MED13L: variants seen among roughly 807,000 people sequenced by gnomAD.
MED13L encodes the protein mediator of RNA polymerase II transcription subunit 13-like.
MED13L carries 7 observed loss-of-function variants against 220.9 expected under a neutral mutation model. The ratio of observed to expected loss-of-function variants is 0.03; its 90% CI spans 0.02 to 0.06. The LOEUF is 0.06. Among genes scored for constraint, MED13L ranks in the 10% least tolerant of loss-of-function variants. MED13L has a pLI of 1.00. For missense variants in MED13L, 1,965 were observed against 2,760.5 expected (o/e 0.71, Z 6.46); for synonymous variants, 1,011 against 1,015.2 (o/e 1.00, Z 0.08).
intron 4 of MED13L, among the ~76,000 whole-genome samples, chr12:116,050,639 G>A (rs1868407242): frequency 6.6e-6 from 1 of 151,918 alleles, no homozygotes; most frequent in South Asian, 2.1e-4. Context: ...AGTGTATAAG[G>A]AAATTTACAT....
At chr12:116,185,597 T>C (rs2138242091) in intron 2 of MED13L, among the ~76,000 whole-genome samples, 1 of 151,882 alleles carries the variant, frequency 6.6e-6, no homozygotes, top group South Asian at 2.1e-4. Flanking sequence ...ATTGATCTAT[T>C]TCCTGATACG....
rs1328686535 is a variant in MED13L at position 116,277,413 on chromosome 12, G to C, written c.-282C>G. 5.8e-5 allele frequency: 1 copy of C among 17,192 alleles called. No individual in the cohort carries two copies. The highest frequency in any genetic ancestry group is 5.6e-4 in the African/African-American group (1 of 1,794). The allele number at this position is 17,192 out of a possible 1,614,324, so 1.1% of individuals were successfully genotyped here. A position where few individuals can be genotyped will look rare whatever the true frequency, so the allele number is the denominator to read the frequency against. On this transcript the variant is annotated 5_prime_UTR_variant, in exon 1 of 31. Coordinates refer to ENST00000281928, the MANE Select transcript of MED13L (RefSeq NM_015335.5). Reference sequence around the variant, plus strand: ...CTGCTCCTCAGCCGCCGCCGCCGCCGCTGCTGCCGCTGCCGCCGCCTTGTT... The same window carrying C: ...CTGCTCCTCAGCCGCCGCCGCCGCCCCTGCTGCCGCTGCCGCCGCCTTGTT...
Position 116,019,938 on chromosome 12 carries a change from T to G in MED13L, c.660A>C (p.Leu220=). Residue 220 remains leucine (L), a synonymous_variant, in exon 6 of 31, where the codon CTA becomes CTC. Transcript: ENST00000281928. ...LVSPYGLNGT[L]TGQAYKMSDP... is the part of the protein sequence containing the mutation. ...CTGACATCTTGTATGCTTGGCCTGTTAGCGTCCCATTTAAGCCATAAGGAC... is the reference window on the plus strand; with the variant it reads ...CTGACATCTTGTATGCTTGGCCTGTGAGCGTCCCATTTAAGCCATAAGGAC... The G allele has an allele frequency of 6.2e-7, 1 of 1,613,764 alleles. No individual in the cohort carries two copies. The highest frequency in any genetic ancestry group is 8.5e-7 in the Non-Finnish European group (1 of 1,179,890).
rs572925778 is a variant in MED13L, at chr12:116,237,346, G to A, written c.310+122C>T. 2.1e-4 allele frequency: 171 copies of A among 813,146 alleles called. No individual in the cohort carries two copies. In the African/African-American group the frequency reaches 2.5e-3, roughly 12 times the overall value. The allele number at this position is 813,146 out of a possible 1,614,324, so 50.4% of individuals were successfully genotyped here. A position where few individuals can be genotyped will look rare whatever the true frequency, so the allele number is the denominator to read the frequency against. On this transcript the variant is annotated intron_variant, in intron 2 of 30. Coordinates refer to ENST00000281928, the MANE Select transcript of MED13L (RefSeq NM_015335.5). ...AGGGGTGAGAATGTTCCTTTTGAGA[G>A]AGACATCCATGAAACACTTAAGATC...
chr12:116,219,051 A>G (rs1883165476), intron 2 of MED13L, among the ~76,000 whole-genome samples: 1 of 152,328 alleles, frequency 6.6e-6, no homozygotes, highest in African/African-American at 2.4e-5. Context: ...CGAAATTCTT[A>G]CAAGTTAGAA....
chr12:116,160,993 C>T (rs1002949862), intron 2 of MED13L, among the ~76,000 whole-genome samples: 2 of 152,068 alleles, frequency 1.3e-5, no homozygotes, highest in Non-Finnish European at 2.9e-5. Flanking sequence ...AGAAAATAAA[C>T]GTATTTCTTA....
At chr12:116,187,860 T>C (rs1447055659) in intron 2 of MED13L, among the ~76,000 whole-genome samples, 1 of 151,874 alleles carries the variant, frequency 6.6e-6, no homozygotes, top group Non-Finnish European at 1.5e-5. Context: ...GGTACTGCTT[T>C]TTTTCTTTTT....
chr12:116,130,955 C>T (rs1196136750), intron 2 of MED13L, among the ~76,000 whole-genome samples: 1 of 151,896 alleles, frequency 6.6e-6, no homozygotes, highest in Admixed American at 6.6e-5. Context: ...TTCACTTAAA[C>T]ACACATGAAA....
At chr12:116,275,124 G>A (rs908868800) in intron 1 of MED13L, among the ~76,000 whole-genome samples, 12 of 152,088 alleles carry the variant, frequency 7.9e-5, no homozygotes, top group Admixed American at 5.9e-4. Context: ...TTGGGAGATC[G>A]CTCTACTTGG....
intron 4 of MED13L, among the ~76,000 whole-genome samples, chr12:116,047,945 C>T (rs1414839198): frequency 6.6e-6 from 1 of 151,972 alleles, no homozygotes; most frequent in Non-Finnish European, 1.5e-5. Context: ...AAAACATTTA[C>T]TGAATGTGTT....
intron 2 of MED13L, among the ~76,000 whole-genome samples, chr12:116,116,450 C>A (rs1027380492): frequency 2.6e-5 from 4 of 152,100 alleles, no homozygotes; most frequent in Non-Finnish European, 4.4e-5. Flanking sequence ...GAAGCTCCTG[C>A]CCCTCTCTAC....
intron 22 of MED13L, chr12:115,981,934 T>A (rs905562248): frequency 5.2e-6 from 1 of 191,756 alleles, no homozygotes; most frequent in African/African-American, 2.4e-5. Flanking sequence ...TACTTTCATG[T>A]ACAGGTTGAA....
intron 2 of MED13L, among the ~76,000 whole-genome samples, chr12:116,194,088 CAAAA>C (rs1881457134): frequency 6.6e-6 from 1 of 151,978 alleles, no homozygotes; most frequent in Non-Finnish European, 1.5e-5. Context: ...ATGTAAATGA[CAAAA>C]GAAGAGAAGA....
chr12:115,983,562 G>A (rs1877486553), intron 20 of MED13L, 22 bp from the exon 21 acceptor site: 1 of 1,613,200 alleles, frequency 6.2e-7, no homozygotes, highest in Non-Finnish European at 8.5e-7. Context: ...CATGCAAAGA[G>A]GTGACTTTAG....
Position 115,961,407 on chromosome 12 carries a change from G to C in MED13L, c.6501-9C>G, listed in dbSNP as rs2137182384. On this transcript the variant is annotated splice_polypyrimidine_tract_variant and intron_variant, in intron 30 of 30. Transcript: ENST00000281928. Reference sequence around the variant, plus strand: ...ACTGCTCCAAAACAAACCTGCCAAAGAGAACACACAGAGCAGGGGCGTGAG... The same window carrying C: ...ACTGCTCCAAAACAAACCTGCCAAACAGAACACACAGAGCAGGGGCGTGAG... 1 of 1,613,444 alleles carries C rather than the reference G, an allele frequency of 6.2e-7. No individual in the cohort carries two copies. The highest frequency in any genetic ancestry group is 8.5e-7 in the Non-Finnish European group (1 of 1,180,012).
chr12:116,031,735 GA>G (rs1227742984), intron 4 of MED13L, among the ~76,000 whole-genome samples: 1,702 of 63,926 alleles, frequency 0.027, 133 homozygotes, highest in Middle Eastern at 0.037. Context: ...GAAAAGAAAA[GA>G]AAAGAAAAGA....
intron 2 of MED13L, among the ~76,000 whole-genome samples, chr12:116,124,894 T>C (rs1012114286): frequency 3.3e-5 from 5 of 152,208 alleles, no homozygotes; most frequent in Admixed American, 6.5e-5. Flanking sequence ...GAGAATTTGG[T>C]AGTTGACAGG....
chr12:116,022,380 T>A, intron 5 of MED13L, 76 bp downstream of exon 5: 4 of 1,562,906 alleles, frequency 2.6e-6, no homozygotes, highest in Non-Finnish European at 3.5e-6. Flanking sequence ...GGTCTCACCC[T>A]GCAAAACTTT....
intron 2 of MED13L, among the ~76,000 whole-genome samples, chr12:116,192,632 C>T (rs1206239604): frequency 1.3e-5 from 2 of 152,164 alleles, no homozygotes; most frequent in Non-Finnish European, 2.9e-5. Context: ...ACTCAGGAAG[C>T]TGGACAGTTC....
Sources: allele counts gnomAD v4.1 joint callset (sites outside exome capture counted in the v4.1 genomes callset), GRCh38; gene constraint gnomAD v4.1.1; transcripts MANE v1.5; gene names NCBI Gene and HGNC (gene_info 2026-07-23, HGNC 2026-07-21).